The following CADM2 variants were observed in gnomAD, a reference collection of about 807,000 sequenced individuals.
CADM2 encodes the protein immunoglobulin superfamily member 4D.
CADM2 carries 12 observed loss-of-function variants against 49.8 expected under a neutral mutation model. The observed-to-expected ratio is 0.24, with a 90% CI of 0.15 to 0.39. The LOEUF is 0.39. CADM2 is among the 10% of genes least tolerant of loss of function. The pLI, the probability that CADM2 is intolerant of heterozygous loss-of-function variation, is 1.00. For missense variants in CADM2, 378 were observed against 492.3 expected (o/e 0.77, Z 2.20); for synonymous variants, 214 against 175.4 (o/e 1.22, Z -1.74).
At chr3:85,790,501 A>G (rs548785063) in intron 2 of CADM2, among the ~76,000 whole-genome samples, 33 of 152,326 alleles carry the variant, frequency 2.2e-4, no homozygotes, top group African/African-American at 7.7e-4. Context: ...CAGGAGAATT[A>G]TAATTCTCTG....
intron 1 of CADM2, among the ~76,000 whole-genome samples, chr3:85,477,596 C>G (rs528493410): frequency 1.3e-5 from 2 of 151,952 alleles, no homozygotes; most frequent in Admixed American, 1.3e-4. Context: ...AATACAGGAT[C>G]AAGATACTGC....
Position 85,707,229 on chromosome 3 carries a change from G to T in CADM2, c.62-19293G>T, listed in dbSNP as rs182632890. ...ACTAAAGTGATAAGATCAAATAATAGAATTTTTTATGAATTTGTGGAATTG... is the reference window on the plus strand; with the variant it reads ...ACTAAAGTGATAAGATCAAATAATATAATTTTTTATGAATTTGTGGAATTG... On this transcript the variant is annotated intron_variant, in intron 1 of 9. Coordinates refer to ENST00000383699, the MANE Select transcript of CADM2 (RefSeq NM_001167675.2). Among the ~76,000 whole-genome samples the T allele has an allele frequency of 2.8e-4, 43 of 151,954 alleles. No homozygotes were observed. The East Asian group carries it at 4.4e-3, about 16-fold the overall frequency.
At chr3:85,753,812 G>A (rs1210921672) in intron 2 of CADM2, among the ~76,000 whole-genome samples, 3 of 152,128 alleles carry the variant, frequency 2.0e-5, no homozygotes, top group Middle Eastern at 3.2e-3. Context: ...CTTGCTGCCA[G>A]AGAAGAAAGA....
At chr3:85,795,907 T>A (rs564537448) in intron 2 of CADM2, among the ~76,000 whole-genome samples, 1 of 152,148 alleles carries the variant, frequency 6.6e-6, no homozygotes, top group Non-Finnish European at 1.5e-5. Context: ...CAGAACAAAC[T>A]CCAAATGGTT....
chr3:85,193,686 T>C (rs2041267829), intron 1 of CADM2, among the ~76,000 whole-genome samples: 1 of 152,072 alleles, frequency 6.6e-6, no homozygotes, highest in South Asian at 2.1e-4. Context: ...TCCAATGTGA[T>C]CTCTAATTGC....
chr3:85,295,978 A>G (rs922076407), intron 1 of CADM2, among the ~76,000 whole-genome samples: 26 of 152,166 alleles, frequency 1.7e-4, no homozygotes, highest in African/African-American at 6.3e-4. Context: ...CCTAGTATAT[A>G]AAAATTTTTA....
chr3:85,309,656 C>T (rs1005690), intron 1 of CADM2, among the ~76,000 whole-genome samples: 14,413 of 152,126 alleles, frequency 0.095, 1,414 homozygotes, highest in African/African-American at 0.25. Context: ...TTTTAATACC[C>T]ACTAGAAGTT....
intron 2 of CADM2, among the ~76,000 whole-genome samples, chr3:85,737,222 A>T (rs1184345198): frequency 6.6e-6 from 1 of 152,178 alleles, no homozygotes; most frequent in Admixed American, 6.5e-5. Flanking sequence ...GAATAATAAG[A>T]TAAGAAGATA....
chr3:85,533,768 G>A (rs1367103010), intron 1 of CADM2, among the ~76,000 whole-genome samples: 1 of 152,154 alleles, frequency 6.6e-6, no homozygotes, highest in Non-Finnish European at 1.5e-5. Context: ...GAAGCAGAAG[G>A]TGAGTTTGAT....
At chr3:85,628,544 T>TATATATACACACACATATATATAC (rs2064195083) in intron 1 of CADM2, among the ~76,000 whole-genome samples, 2 of 36,702 alleles carry the variant, frequency 5.4e-5, no homozygotes, top group Non-Finnish European at 1.0e-4. Context: ...TATATACACA[T>TATATATACACACACATATATATAC]ATATATACAC....
At chr3:85,221,469 T>G (rs1371230962) in intron 1 of CADM2, among the ~76,000 whole-genome samples, 4 of 152,156 alleles carry the variant, frequency 2.6e-5, no homozygotes, top group African/African-American at 9.7e-5. Context: ...ATTTCTTGTT[T>G]GATCTAATAG....
At chr3:85,696,285 T>G (rs2066552425) in intron 1 of CADM2, among the ~76,000 whole-genome samples, 2 of 152,044 alleles carry the variant, frequency 1.3e-5, no homozygotes, top group South Asian at 4.1e-4. Flanking sequence ...TCCCATTTAT[T>G]TATTGTTATT....
chr3:85,976,797 A>C (rs1726837031), intron 8 of CADM2, among the ~76,000 whole-genome samples: 1 of 151,506 alleles, frequency 6.6e-6, no homozygotes, highest in Admixed American at 6.6e-5. Context: ...GAACAGATAA[A>C]AAAGAACCAG....
chr3:85,904,149 T>C (rs907129723), intron 5 of CADM2, among the ~76,000 whole-genome samples: 2 of 152,184 alleles, frequency 1.3e-5, no homozygotes, highest in Non-Finnish European at 2.9e-5. Context: ...ACTTCCCTGT[T>C]ATAGCTGGCT....
chr3:85,632,877 A>G (rs2064354680), intron 1 of CADM2, among the ~76,000 whole-genome samples: 1 of 152,104 alleles, frequency 6.6e-6, no homozygotes, highest in Admixed American at 6.6e-5. Context: ...CATTTTCAAT[A>G]AAATCTAATA....
chr3:85,470,624 A>G (rs889490751), intron 1 of CADM2, among the ~76,000 whole-genome samples: 8 of 152,178 alleles, frequency 5.3e-5, no homozygotes, highest in African/African-American at 1.9e-4. Context: ...CTAGCAATTA[A>G]TTATATACAA....
At chr3:84,972,985 C>T (rs2031564955) in intron 1 of CADM2, among the ~76,000 whole-genome samples, 1 of 152,062 alleles carries the variant, frequency 6.6e-6, no homozygotes, top group Admixed American at 6.6e-5. Flanking sequence ...CATGATCCTG[C>T]CTCACTGCAA....
rs565994117 is a variant in CADM2 at position 86,013,332 on chromosome 3, T to A, written c.970+51685T>A. On this transcript the variant is annotated intron_variant, in intron 8 of 9. Coordinates refer to ENST00000383699, the MANE Select transcript of CADM2 (RefSeq NM_001167675.2). Reference sequence around the variant, plus strand: ...CCTTGAAGAGAAGGAAAACAAAGAATACCTAAAATCTCTATTTGAATTATT... The same window carrying A: ...CCTTGAAGAGAAGGAAAACAAAGAAAACCTAAAATCTCTATTTGAATTATT... The A allele has an allele frequency of 7.1e-6, 11 of 1,543,602 alleles. No homozygotes were observed. The Admixed American group carries it at 1.9e-4, about 26-fold the overall frequency.
intron 1 of CADM2, among the ~76,000 whole-genome samples, chr3:85,294,677 C>A: frequency 6.6e-6 from 1 of 151,226 alleles, no homozygotes; most frequent in Admixed American, 6.6e-5. Flanking sequence ...CTGAGAAAAA[C>A]AAGCAATGGG....
Sources: gnomAD v4.1 joint callset for allele counts (sites outside exome capture counted in the v4.1 genomes callset) on GRCh38, gnomAD v4.1.1 for gene constraint, MANE v1.5 for transcripts, NCBI Gene and HGNC (gene_info 2026-07-23, HGNC 2026-07-21) for gene names.